The following GRM7 variants were observed in gnomAD, a reference collection of about 807,000 sequenced individuals.
GRM7 encodes glutamate metabotropic receptor 7.
In GRM7, 35 loss-of-function variants were observed where a neutral mutation model predicts 84.5. The ratio of observed to expected loss-of-function variants is 0.41; its 90% CI spans 0.32 to 0.55. The LOEUF is 0.55. GRM7 is among the 20% of genes least tolerant of loss of function. The probability of loss-of-function intolerance (pLI) is 0.19; values close to 1 mark genes in which losing one functional copy is unlikely to be tolerated. For missense variants in GRM7, 1,003 were observed against 1,194.6 expected, an observed-to-expected ratio of 0.84 and a Z score of 2.36; for synonymous variants, 487 against 455.1, an observed-to-expected ratio of 1.07 and a Z score of -0.89.
intron 4 of GRM7, among the ~76,000 whole-genome samples, chr3:7,346,050 C>T (rs188785282): frequency 2.0e-5 from 3 of 152,064 alleles, no homozygotes; most frequent in South Asian, 4.1e-4. Flanking sequence ...GAGTTAGTCT[C>T]TAATTAAGCT....
intron 1 of GRM7, among the ~76,000 whole-genome samples, chr3:7,069,385 G>A (rs1218340421): frequency 2.6e-5 from 4 of 151,976 alleles, no homozygotes; most frequent in African/African-American, 9.7e-5. Context: ...AGAGAACCAG[G>A]AGAACAAATA....
intron 4 of GRM7, among the ~76,000 whole-genome samples, chr3:7,356,006 G>A (rs1156983264): frequency 6.6e-6 from 1 of 152,080 alleles, no homozygotes; most frequent in Non-Finnish European, 1.5e-5. Flanking sequence ...CATCCCCTAA[G>A]GATGTTGGTG....
At chr3:7,630,596 G>C (rs1431430745) in intron 8 of GRM7, among the ~76,000 whole-genome samples, 1 of 152,192 alleles carries the variant, frequency 6.6e-6, no homozygotes, top group Admixed American at 6.5e-5. Context: ...AGACAGGTTT[G>C]GCTTGTCCTG....
At chr3:7,093,249 T>C (rs950468254) in intron 1 of GRM7, among the ~76,000 whole-genome samples, 13 of 152,226 alleles carry the variant, frequency 8.5e-5, no homozygotes, top group Middle Eastern at 3.4e-3. Context: ...GTTTGATTAA[T>C]TGACTTTTCA....
intron 1 of GRM7, among the ~76,000 whole-genome samples, chr3:7,044,781 A>G (rs970131096): frequency 6.6e-6 from 1 of 152,122 alleles, no homozygotes; most frequent in Non-Finnish European, 1.5e-5. Flanking sequence ...TTCAGTAGTA[A>G]GTTCCAAATA....
intron 8 of GRM7, among the ~76,000 whole-genome samples, chr3:7,627,380 C>G (rs1575570445): frequency 6.6e-6 from 1 of 152,240 alleles, no homozygotes; most frequent in African/African-American, 2.4e-5. Context: ...TCCCCTGTTT[C>G]AGAGGTTCTC....
chr3:7,102,374 C>G (rs1024121740), intron 1 of GRM7, among the ~76,000 whole-genome samples: 1 of 151,778 alleles, frequency 6.6e-6, no homozygotes, highest in Non-Finnish European at 1.5e-5. Context: ...GCCATCGCTT[C>G]TGAAGAGAAG....
chr3:7,200,519 C>T (rs1056203109), intron 2 of GRM7, among the ~76,000 whole-genome samples: 1 of 152,114 alleles, frequency 6.6e-6, no homozygotes, highest in Non-Finnish European at 1.5e-5. Flanking sequence ...TAACAAGCTC[C>T]CAGATGACGC....
intron 8 of GRM7, among the ~76,000 whole-genome samples, chr3:7,636,927 G>A (rs1350642876): frequency 6.6e-6 from 1 of 151,994 alleles, no homozygotes; most frequent in Non-Finnish European, 1.5e-5. Context: ...TTCATAAGAT[G>A]CAATTATTTC....
intron 9 of GRM7, among the ~76,000 whole-genome samples, chr3:7,690,142 C>A (rs566056760): frequency 2.6e-5 from 4 of 152,204 alleles, no homozygotes; most frequent in Non-Finnish European, 5.9e-5. Flanking sequence ...TACTAGAAAG[C>A]AGTTACGTGA....
At chr3:7,460,616 A>C (rs928165540) in intron 6 of GRM7, among the ~76,000 whole-genome samples, 3 of 152,118 alleles carry the variant, frequency 2.0e-5, no homozygotes. Context: ...CATATATCAT[A>C]TTATCATGTG....
At chr3:7,283,502 TA>T (rs1699325459) in intron 2 of GRM7, among the ~76,000 whole-genome samples, 1 of 152,138 alleles carries the variant, frequency 6.6e-6, no homozygotes, top group Admixed American at 6.5e-5. Flanking sequence ...AATGTTGATT[TA>T]ATGGATATGA....
chr3:7,444,597 A>C (rs982495251), intron 5 of GRM7, among the ~76,000 whole-genome samples: 5 of 152,216 alleles, frequency 3.3e-5, no homozygotes, highest in Admixed American at 3.3e-4. Flanking sequence ...GGAGTCTCTC[A>C]GGACACCTTT....
chr3:7,329,599 A>G (rs1701118575), intron 4 of GRM7, among the ~76,000 whole-genome samples: 1 of 152,162 alleles, frequency 6.6e-6, no homozygotes, highest in African/African-American at 2.4e-5. Flanking sequence ...ACTATAAAAA[A>G]GGTGATTTTT....
Position 7,586,251 on chromosome 3 carries a change from G to A in GRM7, c.2451+6894G>A, listed in dbSNP as rs996847232. Among the ~76,000 whole-genome samples the A allele has an allele frequency of 2.6e-5, 4 of 152,284 alleles. No individual in the cohort carries two copies. The South Asian group carries it at 8.3e-4, about 32-fold the overall frequency. ...TGGGAATATAAAACATGGTACAACT[G>A]CTTTGGAAAACAGCTTGGCAGGTAT... On this transcript the variant is annotated intron_variant, in intron 8 of 9. Coordinates refer to ENST00000357716, the MANE Select transcript of GRM7 (RefSeq NM_000844.4).
chr3:7,668,805 G>A (rs767995126), intron 8 of GRM7, among the ~76,000 whole-genome samples: 11 of 152,246 alleles, frequency 7.2e-5, no homozygotes, highest in Non-Finnish European at 1.5e-4. Flanking sequence ...TCAAATGAGT[G>A]AGGACCACTT....
intron 8 of GRM7, among the ~76,000 whole-genome samples, chr3:7,623,017 A>T (rs534468568): frequency 6.6e-6 from 1 of 152,164 alleles, no homozygotes; most frequent in Non-Finnish European, 1.5e-5. Flanking sequence ...TGCTCTCCAA[A>T]TGCCATGTGG....
chr3:7,502,344 T>C (rs1699909008), intron 7 of GRM7, among the ~76,000 whole-genome samples: 1 of 152,218 alleles, frequency 6.6e-6, no homozygotes, highest in African/African-American at 2.4e-5. Flanking sequence ...ACACTTAGAA[T>C]TGAACACCTT....
chr3:7,220,859 A>G (rs1696777570), intron 2 of GRM7, among the ~76,000 whole-genome samples: 1 of 152,122 alleles, frequency 6.6e-6, no homozygotes, highest in Admixed American at 6.5e-5. Flanking sequence ...AGCATTTTCC[A>G]TCTCAGCCTC....
Sources: allele counts gnomAD v4.1 joint callset (sites outside exome capture counted in the v4.1 genomes callset), GRCh38; gene constraint gnomAD v4.1.1; transcripts MANE v1.5; gene names NCBI Gene and HGNC (gene_info 2026-07-23, HGNC 2026-07-21).